The following DOCK8 variants were observed in gnomAD, a reference collection of about 807,000 sequenced individuals.
DOCK8 encodes dedicator of cytokinesis protein 8.
A neutral mutation model predicts 245.6 loss-of-function variants in DOCK8; 141 were observed. The observed-to-expected ratio is 0.57, with a 90% CI of 0.50 to 0.66. The LOEUF is 0.66. DOCK8 is among the 30% of genes least tolerant of loss of function. The pLI is 0.00. For missense variants in DOCK8, 2,965 were observed against 2,603.4 expected (o/e 1.14, Z -3.02); for synonymous variants, 1,168 against 970.2 (o/e 1.20, Z -3.79).
intron 2 of DOCK8, among the ~76,000 whole-genome samples, chr9:281,671 T>G (rs527793747): frequency 6.8e-6 from 1 of 146,102 alleles, no homozygotes; most frequent in African/African-American, 2.8e-5. Flanking sequence ...GTGTGTTGAC[T>G]GCCTCATAGT....
At chr9:441,583 C>A (rs2057097320) in intron 41 of DOCK8, among the ~76,000 whole-genome samples, 166 bp downstream of exon 41, 1 of 152,160 alleles carries the variant, frequency 6.6e-6, no homozygotes, top group Non-Finnish European at 1.5e-5. Context: ...AACAGAGGAC[C>A]AAAATTCCAT....
chr9:399,100 T>A, intron 25 of DOCK8, 46 bp from the exon 26 acceptor site: 1 of 1,577,418 alleles, frequency 6.3e-7, no homozygotes, highest in Admixed American at 1.7e-5. Flanking sequence ...GAAGTTCAAA[T>A]CCAGAGTGTC....
intron 4 of DOCK8, among the ~76,000 whole-genome samples, chr9:290,002 T>G (rs2130358848): frequency 6.6e-6 from 1 of 152,348 alleles, no homozygotes; most frequent in Admixed American, 6.5e-5. Flanking sequence ...CCACTTTCCT[T>G]TTTTACTGTC....
At position 372,205 on chromosome 9, in the gene DOCK8, T is replaced by C. The variant is rs759509008; in HGVS notation, c.2028T>C (p.Asn676=). ...TTCAGTGGCTGCCAATTCTCTTAAA[T>C]GAACGTCTTCAAACTGGATCCTACT... ...LGYSWLPILL[N]ERLQTGSYCL... is the part of the protein sequence containing the mutation. Residue 676 remains asparagine, a synonymous_variant, in exon 18 of 48, where the codon AAT becomes AAC. Coordinates refer to ENST00000432829, the MANE Select transcript of DOCK8 (RefSeq NM_203447.4). 1.9e-6 allele frequency: 3 copies of C among 1,614,158 alleles called. No homozygotes were observed. Among genetic ancestry groups the C allele is most frequent in the East Asian group, 2.2e-5 (1 of 44,884 alleles).
At chr9:430,897 T>A (rs971580143) in intron 36 of DOCK8, among the ~76,000 whole-genome samples, 6 of 152,124 alleles carry the variant, frequency 3.9e-5, no homozygotes, top group African/African-American at 1.2e-4. Context: ...TGAGACAGTG[T>A]CTTGCTCTGT....
chr9:437,740 C>T (rs953225718), intron 39 of DOCK8, among the ~76,000 whole-genome samples: 1 of 152,216 alleles, frequency 6.6e-6, no homozygotes, highest in Admixed American at 6.5e-5. Flanking sequence ...TTTGAGGTCA[C>T]TGAATTCCAG....
At chr9:286,318 C>T in intron 2 of DOCK8, 143 bp from the exon 3 acceptor site, 4 of 875,076 alleles carry the variant, frequency 4.6e-6, no homozygotes, top group Non-Finnish European at 7.0e-6. Context: ...TTTGACAGCT[C>T]CTCCAAAGAG....
upstream of DOCK8, chr9:214,650 T>C (rs748543485): frequency 6.2e-7 from 1 of 1,609,470 alleles, no homozygotes; most frequent in East Asian, 2.2e-5. Context: ...CCGCCCGCGC[T>C]CCCTTCGGCC....
At chr9:420,877 C>G in intron 31 of DOCK8, 72 bp from the exon 32 acceptor site, 1 of 1,589,474 alleles carries the variant, frequency 6.3e-7, no homozygotes, top group Non-Finnish European at 8.6e-7. Flanking sequence ...GTGGAGTGTA[C>G]TGTTTTGGTA....
intron 8 of DOCK8, 45 bp downstream of exon 8, chr9:325,782 T>A: frequency 2.7e-6 from 4 of 1,504,350 alleles, no homozygotes; most frequent in Non-Finnish European, 3.7e-6. Flanking sequence ...CATATATTGT[T>A]CATGATTCTT....
intron 28 of DOCK8, among the ~76,000 whole-genome samples, chr9:409,189 A>C (rs954219656): frequency 6.6e-6 from 1 of 152,122 alleles, no homozygotes; most frequent in Non-Finnish European, 1.5e-5. Flanking sequence ...AGAAGGACGC[A>C]TCTCAGTACC....
intron 1 of DOCK8, among the ~76,000 whole-genome samples, chr9:246,556 A>AT (rs914336028): frequency 2.0e-5 from 3 of 152,200 alleles, no homozygotes; most frequent in East Asian, 1.9e-4. Context: ...CCTTAGATCC[A>AT]TTTTTTGTCT....
intron 9 of DOCK8, among the ~76,000 whole-genome samples, chr9:332,172 C>T (rs2051041803): frequency 6.6e-6 from 1 of 152,138 alleles, no homozygotes; most frequent in South Asian, 2.1e-4. Context: ...TTAACACTTG[C>T]TGCATTTGCT....
chr9:435,042 C>G, intron 39 of DOCK8, 67 bp downstream of exon 39: 1 of 1,576,924 alleles, frequency 6.3e-7, no homozygotes, highest in Non-Finnish European at 8.6e-7. Flanking sequence ...TCCCCCAGCC[C>G]CAGGGACATT....
intron 24 of DOCK8, among the ~76,000 whole-genome samples, chr9:393,818 C>A (rs975603005): frequency 6.6e-6 from 1 of 152,156 alleles, no homozygotes; most frequent in African/African-American, 2.4e-5. Flanking sequence ...ACAGAGTTTC[C>A]GTTGCCCAAA....
At chr9:357,124 G>A (rs961851106) in intron 14 of DOCK8, among the ~76,000 whole-genome samples, 8 of 152,284 alleles carry the variant, frequency 5.3e-5, no homozygotes, top group African/African-American at 1.7e-4. Flanking sequence ...CTAAAAGATA[G>A]CATTCTTGAG....
chr9:308,143 G>A (rs2049933638), intron 5 of DOCK8, among the ~76,000 whole-genome samples: 1 of 152,196 alleles, frequency 6.6e-6, no homozygotes, highest in African/African-American at 2.4e-5. Flanking sequence ...TGATAGTACT[G>A]TAAGGTGACT....
intron 20 of DOCK8, among the ~76,000 whole-genome samples, chr9:379,325 A>C (rs2053643541): frequency 6.6e-6 from 1 of 152,132 alleles, no homozygotes; most frequent in East Asian, 1.9e-4. Flanking sequence ...AGCACATCTC[A>C]AATCATAGTG....
intron 2 of DOCK8, among the ~76,000 whole-genome samples, chr9:284,911 GA>G (rs2048748990): frequency 1.3e-5 from 2 of 152,156 alleles, no homozygotes; most frequent in Non-Finnish European, 2.9e-5. Context: ...CCAACACAAA[GA>G]AAAGAACAAC....
Sources: allele counts gnomAD v4.1 joint callset (sites outside exome capture counted in the v4.1 genomes callset), GRCh38; gene constraint gnomAD v4.1.1; transcripts MANE v1.5; gene names NCBI Gene and HGNC (gene_info 2026-07-23, HGNC 2026-07-21).